Variants in CENPU observed in about 807,000 individuals in gnomAD.
CENPU encodes KSHV latent nuclear antigen interacting protein 1.
Under a neutral mutation model 56.7 loss-of-function variants are expected in CENPU, and 46 were observed. That is an observed-to-expected ratio of 0.81 (90% CI 0.64 to 1.04). The LOEUF (loss-of-function observed/expected upper bound fraction) is 1.04, where lower values mean the gene tolerates loss of function less well. Among genes scored for constraint, CENPU ranks in the 50% least tolerant of loss-of-function variants. The probability of loss-of-function intolerance (pLI) is 0.00; values close to 1 mark genes in which losing one functional copy is unlikely to be tolerated. For missense variants in CENPU, 510 were observed against 490.1 expected, an observed-to-expected ratio of 1.04 and a Z score of -0.38; for synonymous variants, 166 against 163.0, an observed-to-expected ratio of 1.02 and a Z score of -0.14.
intron 8 of CENPU, among the ~76,000 whole-genome samples, chr4:184,708,673 T>G (rs913217270): frequency 1.3e-5 from 2 of 152,130 alleles, no homozygotes; most frequent in East Asian, 3.9e-4. Context: ...AGAAAATAAT[T>G]TAGAACCTAA....
At chr4:184,696,446 G>A (rs1321354517) in intron 12 of CENPU, among the ~76,000 whole-genome samples, 1 of 152,100 alleles carries the variant, frequency 6.6e-6, no homozygotes, top group Non-Finnish European at 1.5e-5. Context: ...TTTAACCAAA[G>A]TATTATGTTC....
intron 3 of CENPU, among the ~76,000 whole-genome samples, chr4:184,726,246 A>T (rs889324303): frequency 1.3e-5 from 2 of 152,168 alleles, no homozygotes; most frequent in Non-Finnish European, 2.9e-5. Context: ...ACTCACATAA[A>T]CTGGATTCTT....
intron 2 of CENPU, 105 bp from the exon 3 acceptor site, chr4:184,729,140 A>T: frequency 7.3e-6 from 6 of 822,952 alleles, no homozygotes; most frequent in South Asian, 1.6e-5. Context: ...TAAGGAAGCA[A>T]TCCTTATGCA....
chr4:184,722,522 A>T (rs1181282425), intron 4 of CENPU, among the ~76,000 whole-genome samples: 1 of 152,106 alleles, frequency 6.6e-6, no homozygotes, highest in Non-Finnish European at 1.5e-5. Context: ...TATAAATCAT[A>T]GAAGTTCTAA....
At chr4:184,710,508 T>C (rs1489037007) in intron 7 of CENPU, 1 of 178,526 alleles carries the variant, frequency 5.6e-6, no homozygotes, top group East Asian at 1.4e-4. Context: ...TCTTCATTGT[T>C]AGCTGTATTT....
intron 10 of CENPU, among the ~76,000 whole-genome samples, chr4:184,701,847 T>C (rs1760544504): frequency 6.6e-6 from 1 of 152,182 alleles, no homozygotes; most frequent in Non-Finnish European, 1.5e-5. Context: ...TGTCTTTAAT[T>C]ATAAAAACAA....
In CENPU at chr4:184,730,176, G is replaced by A. The variant is rs542991685; in HGVS notation, c.96+744C>T. Among the ~76,000 whole-genome samples, 12 of 152,288 alleles carry A rather than the reference G, an allele frequency of 7.9e-5. No homozygotes were observed. The South Asian group carries it at 2.1e-3, about 26-fold the overall frequency. ...GGCTGGAGCTTAGAGAAATCCCTCC[G>A]AGGCACACTGTACTTTGGCTACCAA... is the stretch of plus-strand genomic sequence containing the variant. On this transcript the variant is annotated intron_variant, in intron 2 of 12. Coordinates refer to ENST00000281453, the MANE Select transcript of CENPU (RefSeq NM_024629.4).
At chr4:184,710,299 C>A (rs1192270858) in intron 7 of CENPU, 119 bp from the exon 8 acceptor site, 6 of 594,382 alleles carry the variant, frequency 1.0e-5, no homozygotes, top group Non-Finnish European at 1.8e-5. Context: ...TACAGCTGAA[C>A]AATCAGAGAG....
intron 4 of CENPU, among the ~76,000 whole-genome samples, chr4:184,721,479 G>GAAAA (rs1761275487): frequency 2.5e-5 from 1 of 40,146 alleles, no homozygotes; most frequent in African/African-American, 6.0e-5. Context: ...AAAAAAAAAA[G>GAAAA]GACCCAATGA....
At chr4:184,710,348 C>T (rs1370570092) in intron 7 of CENPU, 168 bp from the exon 8 acceptor site, 6 of 451,380 alleles carry the variant, frequency 1.3e-5, no homozygotes, top group African/African-American at 2.0e-5. Flanking sequence ...TGCACAGTCT[C>T]GCAAACCCCT....
chr4:184,729,044 G>C lies in CENPU; in HGVS notation c.97-9C>G. The C allele has an allele frequency of 1.9e-6, 3 of 1,597,100 alleles. No individual in the cohort carries two copies. The highest frequency in any genetic ancestry group is 2.6e-6 in the Non-Finnish European group (3 of 1,166,482). ...CACTTTTGACCAGCTTTCTAAAAGT[G>C]AATAAAGTTGAGTCATTGAGTTGGC... On this transcript the variant is annotated splice_polypyrimidine_tract_variant and intron_variant, in intron 2 of 12. Transcript: ENST00000281453.
At position 184,716,638 on chromosome 4, in the gene CENPU, G is replaced by A. The variant is rs762175624; in HGVS notation, c.382-5C>T. The A allele has an allele frequency of 1.2e-6, 2 of 1,604,646 alleles. No individual in the cohort carries two copies. The highest frequency in any genetic ancestry group is 1.7e-6 in the Non-Finnish European group (2 of 1,174,656). On this transcript the variant is annotated splice_polypyrimidine_tract_variant and splice_region_variant and intron_variant, in intron 5 of 12. Coordinates refer to ENST00000281453, the MANE Select transcript of CENPU (RefSeq NM_024629.4). Reference sequence around the variant, plus strand: ...GGGCCTGAGCTTTCTTCCTGGCTGTGTGAAAGAAAAAACAGCAGTACTTAT... The same window carrying A: ...GGGCCTGAGCTTTCTTCCTGGCTGTATGAAAGAAAAAACAGCAGTACTTAT...
At chr4:184,703,444 T>C (rs28523909) in intron 8 of CENPU, among the ~76,000 whole-genome samples, 6,531 of 152,192 alleles carry the variant, frequency 0.043, 461 homozygotes, top group African/African-American at 0.15. Flanking sequence ...CTGATTCTCC[T>C]GGCTTGGCTC....
Position 184,717,028 on chromosome 4 carries a change from G to A in CENPU, c.381+108C>T, listed in dbSNP as rs948712639. On this transcript the variant is annotated intron_variant, in intron 5 of 12. Transcript: ENST00000281453. ...GTGCTACGGAATGTTTTCTCTATTT[G>A]CATCCAATCTAAAGAGGAAATGAAA... is the stretch of plus-strand genomic sequence containing the variant. 2.0e-5 allele frequency: 14 copies of A among 710,942 alleles called. No homozygotes were observed. The African/African-American group carries it at 2.5e-4, about 13-fold the overall frequency. The allele number at this position is 710,942 out of a possible 1,614,324, so 44.0% of individuals were successfully genotyped here.
intron 5 of CENPU, 54 bp downstream of exon 5, chr4:184,717,082 A>C: frequency 1.7e-6 from 2 of 1,178,974 alleles, no homozygotes; most frequent in Non-Finnish European, 2.5e-6. Context: ...CTGTACTTGC[A>C]TCCAATCAAA....
At chr4:184,713,178 G>A (rs1408099815) in intron 6 of CENPU, among the ~76,000 whole-genome samples, 165 bp from the exon 7 acceptor site, 1 of 152,100 alleles carries the variant, frequency 6.6e-6, no homozygotes, top group East Asian at 1.9e-4. Context: ...ATCACTTGAG[G>A]TCAGGAGTTC....
rs1760766400 is a variant in CENPU, at chr4:184,707,469, G to A, written c.797+2603C>T. Among the ~76,000 whole-genome samples the A allele has an allele frequency of 3.3e-5, 5 of 152,254 alleles. No individual in the cohort carries two copies. In the South Asian group the frequency reaches 1.0e-3, roughly 32 times the overall value. On this transcript the variant is annotated intron_variant, in intron 8 of 12. Coordinates refer to ENST00000281453, the MANE Select transcript of CENPU (RefSeq NM_024629.4). ...TAGAGAAAAACATGGGAGGCTGACT[G>A]ACTTTGGGCAGCTGTTTCCTCACCC...
chr4:184,700,210 G>A (rs1170160107), intron 11 of CENPU, among the ~76,000 whole-genome samples: 3 of 152,098 alleles, frequency 2.0e-5, no homozygotes, highest in African/African-American at 7.2e-5. Flanking sequence ...GGCAGCCCTG[G>A]CCTGCAGGGC....
rs113248533 is a variant in CENPU at position 184,694,474 on chromosome 4, T to A, written c.*814A>T. ...ATAAGGTTAAATCACATATCCTGAG[T>A]AAATATTTTCCTATCCCACTCTCTA... On this transcript the variant is annotated 3_prime_UTR_variant, in exon 13 of 13. Transcript: ENST00000281453. The A allele has an allele frequency of 1.9e-6, 3 of 1,581,154 alleles. No individual in the cohort carries two copies. Among genetic ancestry groups the A allele is most frequent in the African/African-American group, 2.7e-5 (2 of 73,720 alleles).
Sources: gnomAD v4.1 joint callset for allele counts (sites outside exome capture counted in the v4.1 genomes callset) on GRCh38, gnomAD v4.1.1 for gene constraint, MANE v1.5 for transcripts, NCBI Gene and HGNC (gene_info 2026-07-23, HGNC 2026-07-21) for gene names.